Variants in CENPP observed in about 807,000 individuals in gnomAD.
The protein encoded by CENPP is centromere protein P.
In CENPP, 24 loss-of-function variants were observed where a neutral mutation model predicts 35.6. That is an observed-to-expected ratio of 0.67 (90% CI 0.49 to 0.95). The LOEUF (loss-of-function observed/expected upper bound fraction) is 0.95. CENPP is among the 40% of genes least tolerant of loss of function. CENPP has a pLI of 0.00. For synonymous variants in CENPP, 120 were observed against 125.5 expected (o/e 0.96, Z 0.29); for missense variants, 332 against 345.3 (o/e 0.96, Z 0.31).
intron 5 of CENPP, among the ~76,000 whole-genome samples, chr9:92,606,302 T>C (rs1291732844): frequency 6.6e-6 from 1 of 152,032 alleles, no homozygotes; most frequent in Non-Finnish European, 1.5e-5. Flanking sequence ...TAAACATTTC[T>C]CCAAAGAAGG....
intron 5 of CENPP, chr9:92,459,786 A>G (rs1242300782): frequency 6.2e-7 from 1 of 1,611,976 alleles, no homozygotes; most frequent in Non-Finnish European, 8.5e-7. Context: ...AATGATATAA[A>G]ATGCATCAAG....
At chr9:92,446,888 T>A in intron 5 of CENPP, among the ~76,000 whole-genome samples, 1 of 147,332 alleles carries the variant, frequency 6.8e-6, no homozygotes, top group East Asian at 2.0e-4. Flanking sequence ...AAAAAAGGAA[T>A]GAAGAAAAGG....
At chr9:92,356,887 G>A (rs1415241288) in intron 4 of CENPP, among the ~76,000 whole-genome samples, 2 of 152,218 alleles carry the variant, frequency 1.3e-5, no homozygotes, top group Non-Finnish European at 2.9e-5. Context: ...CCCTCCGTTC[G>A]GGGTCCCTGA....
chr9:92,397,434 C>G (rs1225787521), intron 5 of CENPP, among the ~76,000 whole-genome samples: 2 of 152,134 alleles, frequency 1.3e-5, no homozygotes, highest in African/African-American at 4.8e-5. Flanking sequence ...CCAAGTGATG[C>G]TCCCACCTCA....
chr9:92,331,667 A>G (rs1840751242), intron 1 of CENPP, among the ~76,000 whole-genome samples: 1 of 152,220 alleles, frequency 6.6e-6, no homozygotes, highest in Non-Finnish European at 1.5e-5. Flanking sequence ...TTTTGTTGAA[A>G]TTAAAGATTG....
At chr9:92,579,499 CT>C (rs1180291268) in intron 5 of CENPP, among the ~76,000 whole-genome samples, 1 of 151,442 alleles carries the variant, frequency 6.6e-6, no homozygotes, top group Non-Finnish European at 1.5e-5. Context: ...TGTAGTTCTC[CT>C]TGAAGAGGTC....
chr9:92,494,253 C>G (rs1846254180), intron 5 of CENPP: 1 of 1,140,290 alleles, frequency 8.8e-7, no homozygotes, highest in Non-Finnish European at 1.2e-6. Flanking sequence ...TCAGTTTGAG[C>G]CCCCTTTAAT....
intron 4 of CENPP, among the ~76,000 whole-genome samples, chr9:92,365,764 G>T (rs958199792): frequency 6.6e-6 from 1 of 151,628 alleles, no homozygotes; most frequent in Non-Finnish European, 1.5e-5. Context: ...TAAGGACAAT[G>T]TACCTTTATG....
chr9:92,555,581 G>A (rs1208848785), intron 5 of CENPP, among the ~76,000 whole-genome samples: 1 of 151,934 alleles, frequency 6.6e-6, no homozygotes, highest in African/African-American at 2.4e-5. Context: ...GGTCTGTTCA[G>A]GTTATCTAAT....
rs140775975 is a variant in CENPP, at chr9:92,495,128, G to A, written c.564+115269G>A. On this transcript the variant is annotated intron_variant, in intron 5 of 7. Coordinates refer to ENST00000375587, the MANE Select transcript of CENPP (RefSeq NM_001012267.3). ...GTGAAGTGGGGATGGAAGGTTCCTA[G>A]AGTGGTGAAAGAACTATTAAATGAT... is the stretch of plus-strand genomic sequence containing the variant. 3.3e-5 allele frequency among the ~76,000 whole-genome samples: 5 copies of A among 152,230 alleles called. 1 individual carries two copies. The highest frequency in any genetic ancestry group is 9.6e-5 in the African/African-American group (4 of 41,542).
intron 5 of CENPP, among the ~76,000 whole-genome samples, chr9:92,578,128 CTCG>C (rs1270600488): frequency 6.6e-6 from 1 of 152,030 alleles, no homozygotes; most frequent in Non-Finnish European, 1.5e-5. Context: ...AGGACATGAA[CTCG>C]TCATTTTTTA....
At chr9:92,539,448 AT>A (rs1228686981) in intron 5 of CENPP, among the ~76,000 whole-genome samples, 2 of 147,972 alleles carry the variant, frequency 1.4e-5, no homozygotes, top group Admixed American at 1.4e-4. Flanking sequence ...TTTGAGTCCC[AT>A]TTATCTAGTA....
At chr9:92,571,969 A>T (rs1850155257) in intron 5 of CENPP, among the ~76,000 whole-genome samples, 2 of 133,814 alleles carry the variant, frequency 1.5e-5, no homozygotes, top group South Asian at 2.3e-4. Flanking sequence ...CTTTATTTTG[A>T]GCCTATGTGT....
chr9:92,533,749 T>A lies in CENPP; in HGVS notation c.565-77565T>A, dbSNP rs1404619428. Among the ~76,000 whole-genome samples, 4 of 152,172 alleles carry A rather than the reference T, an allele frequency of 2.6e-5. No homozygotes were observed. The East Asian group carries it at 7.7e-4, about 29-fold the overall frequency. Reference sequence around the variant, plus strand: ...TGCTCTTATTAAAGATCTGAAAATGTCATTGTTTAATTGGAAACAGAATTA... The same window carrying A: ...TGCTCTTATTAAAGATCTGAAAATGACATTGTTTAATTGGAAACAGAATTA... On this transcript the variant is annotated intron_variant, in intron 5 of 7. Transcript: ENST00000375587.
chr9:92,560,250 G>A (rs1358942847), intron 5 of CENPP, among the ~76,000 whole-genome samples: 1 of 152,174 alleles, frequency 6.6e-6, no homozygotes, highest in Non-Finnish European at 1.5e-5. Flanking sequence ...TGGCTAGTAG[G>A]TTCTCATATC....
chr9:92,416,879 A>G (rs1437444688), intron 5 of CENPP: 6 of 1,614,024 alleles, frequency 3.7e-6, no homozygotes, highest in Non-Finnish European at 5.1e-6. Context: ...ACCAGGAGGC[A>G]TTGATTCTAA....
intron 5 of CENPP, chr9:92,512,173 C>T (rs1847388124): frequency 4.0e-6 from 5 of 1,241,078 alleles, no homozygotes; most frequent in African/African-American, 1.5e-5. Context: ...CATATACATA[C>T]ATGTACACAC....
intron 5 of CENPP, among the ~76,000 whole-genome samples, chr9:92,488,097 G>T (rs372557220): frequency 6.6e-6 from 1 of 152,140 alleles, no homozygotes; most frequent in African/African-American, 2.4e-5. Context: ...TATTAAATGC[G>T]TTTTGACCTA....
At chr9:92,533,041 G>T (rs1848896673) in intron 5 of CENPP, among the ~76,000 whole-genome samples, 1 of 151,852 alleles carries the variant, frequency 6.6e-6, no homozygotes, top group Non-Finnish European at 1.5e-5. Context: ...GCTCAAGTCT[G>T]TAATGACAGC....
Sources: gnomAD v4.1 joint callset for allele counts (sites outside exome capture counted in the v4.1 genomes callset) on GRCh38, gnomAD v4.1.1 for gene constraint, MANE v1.5 for transcripts, NCBI Gene and HGNC (gene_info 2026-07-23, HGNC 2026-07-21) for gene names.